Variants in VWF observed in about 807,000 individuals in gnomAD.
VWF encodes the protein Factor VIII related antigen.
VWF carries 176 observed loss-of-function variants against 308.6 expected under a neutral mutation model. That is an observed-to-expected ratio of 0.57 (90% CI 0.50 to 0.65). The LOEUF (loss-of-function observed/expected upper bound fraction) is 0.65. Among genes scored for constraint, VWF ranks in the 30% least tolerant of loss-of-function variants. VWF has a pLI of 0.00. For synonymous variants in VWF, 1,385 were observed against 1,443.4 expected, an observed-to-expected ratio of 0.96 and a Z score of 0.92; for missense variants, 3,146 against 3,648.2, an observed-to-expected ratio of 0.86 and a Z score of 3.55.
At chr12:6,066,141 C>G (rs957503172) in intron 10 of VWF, among the ~76,000 whole-genome samples, 1 of 152,174 alleles carries the variant, frequency 6.6e-6, no homozygotes, top group Non-Finnish European at 1.5e-5. Context: ...CCATCTCCCC[C>G]ACGCCCCAGC....
chr12:6,105,019 A>T (rs1170022996), intron 5 of VWF, among the ~76,000 whole-genome samples: 3 of 152,224 alleles, frequency 2.0e-5, no homozygotes, highest in Non-Finnish European at 4.4e-5. Context: ...ACATGTTCTC[A>T]CCAAAAAGTG....
intron 5 of VWF, among the ~76,000 whole-genome samples, chr12:6,099,183 G>T (rs541341911): frequency 2.6e-5 from 4 of 152,048 alleles, no homozygotes; most frequent in East Asian, 3.9e-4. Context: ...AGCCAGGCGT[G>T]GGGGTGGATG....
intron 6 of VWF, among the ~76,000 whole-genome samples, chr12:6,090,590 C>T (rs1391938923): frequency 1.3e-5 from 2 of 149,326 alleles, no homozygotes; most frequent in Non-Finnish European, 3.0e-5. Context: ...TATGGGGAGC[C>T]AGCTAACAAC....
intron 35 of VWF, 131 bp from the exon 36 acceptor site, chr12:5,994,738 T>C: frequency 1.3e-6 from 1 of 796,846 alleles, no homozygotes; most frequent in Non-Finnish European, 2.2e-6. Context: ...TTGATATTTG[T>C]CGGCAGCTCT....
chr12:6,022,441 C>T (rs1204325216), intron 26 of VWF, among the ~76,000 whole-genome samples: 1 of 151,964 alleles, frequency 6.6e-6, no homozygotes, highest in African/African-American at 2.4e-5. Context: ...TCCTCAGACA[C>T]ACTCGTCACA....
chr12:6,011,574 T>C, intron 34 of VWF, 43 bp downstream of exon 34: 1 of 1,541,722 alleles, frequency 6.5e-7, no homozygotes, highest in African/African-American at 1.4e-5. Context: ...CTAAAAGCAC[T>C]GCCCCTTTGA....
At chr12:6,086,315 C>A (rs1427662576) in intron 6 of VWF, among the ~76,000 whole-genome samples, 1 of 152,124 alleles carries the variant, frequency 6.6e-6, no homozygotes, top group Non-Finnish European at 1.5e-5. Context: ...CTCATCAAAA[C>A]GGGGAAAGAC....
chr12:6,004,449 G>A (rs1004537694), intron 34 of VWF, among the ~76,000 whole-genome samples: 5 of 152,112 alleles, frequency 3.3e-5, no homozygotes, highest in Non-Finnish European at 7.4e-5. Flanking sequence ...TACATGATAT[G>A]TGTGTGCACG....
At chr12:6,044,577 G>A in intron 17 of VWF, 126 bp from the exon 18 acceptor site, 2 of 1,233,674 alleles carry the variant, frequency 1.6e-6, no homozygotes, top group Non-Finnish European at 2.3e-6. Context: ...CACTCACGGG[G>A]ACCAGCAGCT....
rs2136463035 is a variant in VWF at position 6,065,211 on chromosome 12, T to G, written c.1219A>C (p.Ser407Arg). 6.2e-7 allele frequency: 1 copy of G among 1,614,152 alleles called. No homozygotes were observed. The highest frequency in any genetic ancestry group is 2.2e-5 in the East Asian group (1 of 44,874). The change falls in exon 11 of 52, where the codon AGT (serine) becomes CGT (arginine). Residue 407 changes from serine (S) to arginine (R), a missense_variant. By Grantham distance (110) the Ser-to-Arg change is moderately radical (BLOSUM62 -1). Around this residue, in one of 3 missense-constraint regions of VWF, gnomAD observed 1,304 missense variants for 1,353.0 expected, o/e 0.96. Coordinates refer to ENST00000261405, the MANE Select transcript of VWF (RefSeq NM_000552.5). ...KSFDNRYFTF[S>R]GICQYLLARD... Reference sequence around the variant, plus strand: ...GCCAGCAGGTACTGGCAGATCCCACTGAAGGTGAAGTATCTGTTGTCAAAG... The same window carrying G: ...GCCAGCAGGTACTGGCAGATCCCACGGAAGGTGAAGTATCTGTTGTCAAAG...
intron 20 of VWF, among the ~76,000 whole-genome samples, chr12:6,034,464 C>T (rs1339045251): frequency 2.0e-5 from 3 of 152,340 alleles, no homozygotes; most frequent in East Asian, 1.9e-4. Flanking sequence ...GCTTCTGTCT[C>T]GTTTTATAAG....
chr12:6,016,052 G>A lies in VWF; in HGVS notation c.5455+37C>T, dbSNP rs200311828. On this transcript the variant is annotated intron_variant, in intron 31 of 51. Coordinates refer to ENST00000261405, the MANE Select transcript of VWF (RefSeq NM_000552.5). ...AATCCTCTATCATTTCTGAAGTCTC[G>A]CTCTCCTGAATTGAGGACTGTACAC... The A allele has an allele frequency of 3.5e-4, 568 of 1,613,222 alleles. 4 individuals are homozygous for A. The Middle Eastern group carries it at 4.0e-3, about 11-fold the overall frequency.
intron 35 of VWF, 77 bp from the exon 36 acceptor site, chr12:5,994,684 T>C (rs1309843971): frequency 5.3e-6 from 7 of 1,313,008 alleles, no homozygotes; most frequent in Non-Finnish European, 7.7e-6. Flanking sequence ...TACCGAGAGT[T>C]CCTGCACATT....
Position 6,019,622 on chromosome 12 carries a change from G to A in VWF, c.3796C>T (p.Pro1266Ser), listed in dbSNP as rs1272514150. Residue 1266 changes from proline to serine, a missense_variant, in exon 28 of 52, where the codon CCG (proline) becomes TCG (serine). Physicochemically the swap from Pro to Ser is moderately conservative, Grantham distance 74. Transcript: ENST00000261405. This position sits in a 1 kb window ranked among gnomAD's most constrained non-coding sequence, Gnocchi z 5.8. ...CTGCTGCAGTAGAAATCGTGCAACG[G>A]CGGTTCCGAGATGTCCTCCACATAC... ...TLYVEDISEP[P>S]LHDFYCSRLL... 5 of 1,613,952 alleles carry A rather than the reference G, an allele frequency of 3.1e-6. No individual in the cohort carries two copies. Among genetic ancestry groups the A allele is most frequent in the Non-Finnish European group, 4.2e-6 (5 of 1,179,864 alleles).
At position 6,079,479 on chromosome 12, in the gene VWF, G is replaced by A. The variant is rs144439350; in HGVS notation, c.658-3928C>T. Among the ~76,000 whole-genome samples, 1,145 of 152,130 alleles carry A rather than the reference G, an allele frequency of 7.5e-3. 15 individuals carry two copies. The highest frequency in any genetic ancestry group is 0.024 in the African/African-American group (1,013 of 41,496). On this transcript the variant is annotated intron_variant, in intron 6 of 51. Coordinates refer to ENST00000261405, the MANE Select transcript of VWF (RefSeq NM_000552.5). ...AAAAAAATTAGCCGGGCATGGTGGC[G>A]GGCACCTGTAGTCCCAGCTATTCGG...
intron 5 of VWF, among the ~76,000 whole-genome samples, chr12:6,103,439 T>G (rs1945200351): frequency 7.9e-6 from 1 of 125,852 alleles, no homozygotes; most frequent in African/African-American, 3.7e-5. Context: ...CACGTGTGTA[T>G]ATACATACAC....
At chr12:6,103,837 T>G (rs1354577422) in intron 5 of VWF, among the ~76,000 whole-genome samples, 1 of 152,048 alleles carries the variant, frequency 6.6e-6, no homozygotes. Flanking sequence ...TTGGGAAAAC[T>G]GTACTGGACA....
chr12:6,060,984 T>C lies in VWF; in HGVS notation c.1533+1970A>G, dbSNP rs1944648809. 6.6e-6 allele frequency among the ~76,000 whole-genome samples: 1 copy of C among 152,170 alleles called. No individual in the cohort carries two copies. Among genetic ancestry groups the C allele is most frequent in the South Asian group, 2.1e-4 (1 of 4,832 alleles). ...GGGAGGCTGAGGAGGGTGGATCATTTGAGGTCAGGAGTTCAAGACCAGCCT... is the reference window on the plus strand; with the variant it reads ...GGGAGGCTGAGGAGGGTGGATCATTCGAGGTCAGGAGTTCAAGACCAGCCT... On this transcript the variant is annotated intron_variant, in intron 13 of 51. Transcript: ENST00000261405. The surrounding 1 kb of genome is among the most constrained non-coding windows in gnomAD (Gnocchi z 5.1).
At position 6,023,655 on chromosome 12, in the gene VWF, T is replaced by C. The variant is rs1944156631; in HGVS notation, c.3355A>G (p.Thr1119Ala). ...CGGCACAATGTGGCCGTCCTCCAGG[T>C]CACCACCTTGCCATGCTGGGCACAC... ...HVCAQHGKVV[T>A]WRTATLCPQS... Residue 1119 changes from threonine to alanine, a missense_variant, in exon 25 of 52, where the codon ACC becomes GCC. By Grantham distance (58) the Thr-to-Ala change is moderately conservative (BLOSUM62 0). This residue lies in a region of VWF where 853 missense variants were observed against 1,177.8 expected (regional missense o/e 0.72). Coordinates refer to ENST00000261405, the MANE Select transcript of VWF (RefSeq NM_000552.5). 6.2e-7 allele frequency: 1 copy of C among 1,613,786 alleles called. No individual in the cohort carries two copies.
Sources: gnomAD v4.1 joint callset for allele counts (sites outside exome capture counted in the v4.1 genomes callset) on GRCh38, gnomAD v4.1.1 for gene constraint, gnomAD v4.1.1 regional missense constraint, Gnocchi (gnomAD v3.1) non-coding constraint, MANE v1.5 for transcripts, NCBI Gene and HGNC (gene_info 2026-07-23, HGNC 2026-07-21) for gene names.